Variants in PHF3 observed in about 807,000 individuals in gnomAD.
PHF3 encodes PHD finger protein 3.
A neutral mutation model predicts 178.4 loss-of-function variants in PHF3; 41 were observed. That is an observed-to-expected ratio of 0.23 (90% CI 0.18 to 0.30). The LOEUF is 0.30. PHF3 is among the 10% of genes least tolerant of loss of function. The pLI, the probability that PHF3 is intolerant of heterozygous loss-of-function variation, is 1.00. For synonymous variants in PHF3, 842 were observed against 800.5 expected, an observed-to-expected ratio of 1.05 and a Z score of -0.88; for missense variants, 2,346 against 2,398.1, an observed-to-expected ratio of 0.98 and a Z score of 0.45.
chr6:63,676,810 G>A (rs2149574433), intron 2 of PHF3, among the ~76,000 whole-genome samples: 1 of 152,318 alleles, frequency 6.6e-6, no homozygotes, highest in East Asian at 1.9e-4. Context: ...AACTGTCAGG[G>A]GAGAGGGGAT....
chr6:63,646,676 A>G lies in PHF3; in HGVS notation c.125A>G (p.Glu42Gly). 6.2e-7 allele frequency: 1 copy of G among 1,613,914 alleles called. No homozygotes were observed. The highest frequency in any genetic ancestry group is 8.5e-7 in the Non-Finnish European group (1 of 1,179,940). The change falls in exon 2 of 16, where the codon GAG becomes GGG. Residue 42 changes from glutamate (E) to glycine (G), a missense_variant. Coordinates refer to ENST00000262043, the MANE Select transcript of PHF3 (RefSeq NM_001370348.2). ...TTTAGTGCAAGTCAAAATGTCTTAG[A>G]GGACTCGCTGAAGAACATGCTCAGC... ...EDFSASQNVL[E>G]DSLKNMLSDK... is the part of the protein sequence containing the mutation.
At position 63,717,703 on chromosome 6, in the gene PHF3, C is replaced by T. The variant is rs2149620086; in HGVS notation, c.*3995C>T. 6.6e-6 allele frequency among the ~76,000 whole-genome samples: 1 copy of T among 152,030 alleles called. No homozygotes were observed. Among genetic ancestry groups the T allele is most frequent in the South Asian group, 2.1e-4 (1 of 4,818 alleles). ...GTGAATCCAATATAACTCTAAATAT[C>T]CCCAAAATACTTTTTCTATGAAATA... is the stretch of plus-strand genomic sequence containing the variant. On this transcript the variant is annotated 3_prime_UTR_variant, in exon 16 of 16. Coordinates refer to ENST00000262043, the MANE Select transcript of PHF3 (RefSeq NM_001370348.2).
At chr6:63,676,957 A>T (rs1401400138) in intron 2 of PHF3, among the ~76,000 whole-genome samples, 1 of 152,088 alleles carries the variant, frequency 6.6e-6, no homozygotes, top group Non-Finnish European at 1.5e-5. Flanking sequence ...GATAGCTTGG[A>T]TGTGTCAGAT....
intron 1 of PHF3, 134 bp downstream of exon 1, chr6:63,636,284 G>T: frequency 8.5e-6 from 2 of 236,238 alleles, no homozygotes; most frequent in Non-Finnish European, 8.1e-6. Context: ...CTCCCGCGCA[G>T]CCGAGAGATC....
intron 4 of PHF3, among the ~76,000 whole-genome samples, chr6:63,688,450 C>T (rs1204904511): frequency 2.0e-5 from 3 of 147,598 alleles, no homozygotes; most frequent in Non-Finnish European, 4.5e-5. Context: ...ATTCTCCTGC[C>T]TCGGCCTCCC....
intron 2 of PHF3, among the ~76,000 whole-genome samples, chr6:63,670,237 A>G (rs1765853300): frequency 6.6e-6 from 1 of 152,016 alleles, no homozygotes; most frequent in Non-Finnish European, 1.5e-5. Context: ...AGTCAACACT[A>G]TGTGATGGAG....
At position 63,684,110 on chromosome 6, in the gene PHF3, T is replaced by A. The variant is rs745860573; in HGVS notation, c.407-19T>A. The A allele has an allele frequency of 1.3e-6, 2 of 1,533,766 alleles. No homozygotes were observed. The highest frequency in any genetic ancestry group is 1.8e-6 in the Non-Finnish European group (2 of 1,136,514). On this transcript the variant is annotated intron_variant, in intron 3 of 15. Transcript: ENST00000262043. ...CAAAATAGCTAAGTATTTTTATTTA[T>A]TTTTTCCCCCTGTGATAGAACAAGT...
Position 63,706,729 on chromosome 6 carries a change from T to A in PHF3, c.3564T>A (p.Arg1188=). ...TAGGCTTTTTAATGTCATTTTCTAG[T>A]CCAGAGATGCCTGGAACTGTTGAAG... is the stretch of plus-strand genomic sequence containing the variant. ...SPKSTFSPAP[R]PEMPGTVEVE... The change falls in exon 13 of 16, where the codon CGT becomes CGA. Residue 1188 remains arginine, a splice_region_variant and synonymous_variant. Coordinates refer to ENST00000262043, the MANE Select transcript of PHF3 (RefSeq NM_001370348.2). The A allele has an allele frequency of 6.2e-7, 1 of 1,613,362 alleles. No individual in the cohort carries two copies. Among genetic ancestry groups the A allele is most frequent in the Non-Finnish European group, 8.5e-7 (1 of 1,179,596 alleles).
intron 3 of PHF3, among the ~76,000 whole-genome samples, chr6:63,681,017 A>G (rs1766412603): frequency 6.6e-6 from 1 of 152,072 alleles, no homozygotes; most frequent in Non-Finnish European, 1.5e-5. Context: ...GCTGTGAGAT[A>G]CACTTTTTAA....
At chr6:63,691,626 C>T in intron 4 of PHF3, 111 bp from the exon 5 acceptor site, 1 of 899,112 alleles carries the variant, frequency 1.1e-6, no homozygotes, top group Admixed American at 2.4e-5. Flanking sequence ...AGATGGAAAA[C>T]ATGCAAAGTT....
chr6:63,672,415 A>T (rs1765957505), intron 2 of PHF3, among the ~76,000 whole-genome samples: 1 of 152,184 alleles, frequency 6.6e-6, no homozygotes, highest in Non-Finnish European at 1.5e-5. Flanking sequence ...GTTTTTATAC[A>T]CATAGGGCAG....
chr6:63,691,473 C>T (rs1280080360), intron 4 of PHF3, among the ~76,000 whole-genome samples: 5 of 151,980 alleles, frequency 3.3e-5, no homozygotes, highest in Admixed American at 1.3e-4. Flanking sequence ...TCTTTTCTTC[C>T]TGATGGTTTA....
chr6:63,648,623 A>G (rs1040929888), intron 2 of PHF3, among the ~76,000 whole-genome samples: 5 of 152,214 alleles, frequency 3.3e-5, no homozygotes, highest in African/African-American at 1.2e-4. Flanking sequence ...TTCTTTTGCT[A>G]ATAGAAGACT....
intron 2 of PHF3, among the ~76,000 whole-genome samples, chr6:63,652,184 A>G (rs1042119555): frequency 6.6e-6 from 1 of 152,040 alleles, no homozygotes; most frequent in Non-Finnish European, 1.5e-5. Flanking sequence ...CCCTTTCTCC[A>G]TATTCTTGCC....
chr6:63,637,118 C>T (rs1764375852), intron 1 of PHF3, among the ~76,000 whole-genome samples: 1 of 152,212 alleles, frequency 6.6e-6, no homozygotes, highest in Admixed American at 6.5e-5. Flanking sequence ...ATCTGCATTA[C>T]ATGTAGCGAT....
intron 1 of PHF3, among the ~76,000 whole-genome samples, chr6:63,641,964 A>G (rs1387100635): frequency 6.6e-6 from 1 of 152,026 alleles, no homozygotes; most frequent in Non-Finnish European, 1.5e-5. Context: ...ACACTTTCTA[A>G]ATCTCATCTT....
chr6:63,713,822 G>A lies in PHF3; in HGVS notation c.*114G>A, dbSNP rs1220897492. 11 of 831,368 alleles carry A rather than the reference G, an allele frequency of 1.3e-5. No homozygotes were observed. The highest frequency in any genetic ancestry group is 6.3e-5 in the Admixed American group (2 of 31,882). 51.5% of individuals were successfully genotyped at this position (831,368 alleles called of 1,614,324 possible). ...GCCATCTTTAAAATTTTTACTATTG[G>A]TCATTTGCAGAACAGTAAATTCTGT... is the stretch of plus-strand genomic sequence containing the variant. On this transcript the variant is annotated 3_prime_UTR_variant, in exon 16 of 16. Coordinates refer to ENST00000262043, the MANE Select transcript of PHF3 (RefSeq NM_001370348.2).
At chr6:63,683,908 T>A (rs554596382) in intron 3 of PHF3, among the ~76,000 whole-genome samples, 1 of 152,176 alleles carries the variant, frequency 6.6e-6, no homozygotes, top group African/African-American at 2.4e-5. Context: ...CTTTTCCCCC[T>A]GCTAGAATTC....
In PHF3 at chr6:63,718,115, A is replaced by G. The variant is rs997743674; in HGVS notation, c.*4407A>G. On this transcript the variant is annotated 3_prime_UTR_variant, in exon 16 of 16. Coordinates refer to ENST00000262043, the MANE Select transcript of PHF3 (RefSeq NM_001370348.2). ...TCCAGGATTTTAAGGTGAAAAATATATTTTCAAGTCATTTTGATTTATAGG... is the reference window on the plus strand; with the variant it reads ...TCCAGGATTTTAAGGTGAAAAATATGTTTTCAAGTCATTTTGATTTATAGG... Among the ~76,000 whole-genome samples the G allele has an allele frequency of 5.3e-5, 8 of 151,992 alleles. No homozygotes were observed. Among genetic ancestry groups the G allele is most frequent in the African/African-American group, 1.9e-4 (8 of 41,426 alleles).
Sources: gnomAD v4.1 joint callset for allele counts (sites outside exome capture counted in the v4.1 genomes callset) on GRCh38, gnomAD v4.1.1 for gene constraint, MANE v1.5 for transcripts, NCBI Gene and HGNC (gene_info 2026-07-23, HGNC 2026-07-21) for gene names.